The following FLOT2 variants were observed in gnomAD, a reference collection of about 807,000 sequenced individuals.
FLOT2 encodes the protein flotillin 2.
FLOT2 carries 35 observed loss-of-function variants against 54.9 expected under a neutral mutation model. The observed-to-expected ratio is 0.64, with a 90% CI of 0.49 to 0.84. The LOEUF (loss-of-function observed/expected upper bound fraction) is 0.84. Among genes scored for constraint, FLOT2 ranks in the 40% least tolerant of loss-of-function variants. FLOT2 has a pLI of 0.00. For synonymous variants in FLOT2, 207 were observed against 228.9 expected, an observed-to-expected ratio of 0.90 and a Z score of 0.86; for missense variants, 464 against 572.1, an observed-to-expected ratio of 0.81 and a Z score of 1.93.
intron 2 of FLOT2, among the ~76,000 whole-genome samples, chr17:28,885,258 C>T (rs1020293283): frequency 6.6e-6 from 1 of 152,122 alleles, no homozygotes; most frequent in South Asian, 2.1e-4. Flanking sequence ...TTAGAGATGG[C>T]AGGATGGGTG....
chr17:28,886,821 G>A (rs1425057005), intron 2 of FLOT2, among the ~76,000 whole-genome samples: 2 of 152,176 alleles, frequency 1.3e-5, no homozygotes, highest in Non-Finnish European at 2.9e-5. Flanking sequence ...CAGTCGATGT[G>A]CAGCCCCCAT....
chr17:28,896,699 C>A (rs1322744240), intron 1 of FLOT2, among the ~76,000 whole-genome samples: 1 of 152,178 alleles, frequency 6.6e-6, no homozygotes, highest in Non-Finnish European at 1.5e-5. Flanking sequence ...AAAATCAGCA[C>A]TGATAGTGGG....
At position 28,884,133 on chromosome 17, in the gene FLOT2, C is replaced by G; in HGVS notation, c.222+92G>C. 1 of 937,474 alleles carries G rather than the reference C, an allele frequency of 1.1e-6. No homozygotes were observed. The highest frequency in any genetic ancestry group is 1.7e-6 in the Non-Finnish European group (1 of 573,442). 58.1% of individuals were successfully genotyped at this position (937,474 alleles called of 1,614,324 possible). On this transcript the variant is annotated intron_variant, in intron 3 of 10. Coordinates refer to ENST00000394908, the MANE Select transcript of FLOT2 (RefSeq NM_004475.3). The surrounding 1 kb of genome is among the most constrained non-coding windows in gnomAD (Gnocchi z 5.1). Reference sequence around the variant, plus strand: ...GGGCTGGGGTGCTGGAGAGAGACTGCCCCTGGCTGCTGTCCTCTCCTCCTC... The same window carrying G: ...GGGCTGGGGTGCTGGAGAGAGACTGGCCCTGGCTGCTGTCCTCTCCTCCTC...
At chr17:28,887,064 A>G (rs966324540) in intron 2 of FLOT2, among the ~76,000 whole-genome samples, 7 of 152,222 alleles carry the variant, frequency 4.6e-5, no homozygotes, top group Non-Finnish European at 2.9e-5. Context: ...GGGAGGCTGC[A>G]GCTCAGATGC....
At chr17:28,881,500 G>A (rs940916873) in intron 8 of FLOT2, 125 bp from the exon 9 acceptor site, 51 of 1,018,180 alleles carry the variant, frequency 5.0e-5, no homozygotes, top group Admixed American at 2.0e-4. Flanking sequence ...ACATTGGAAC[G>A]GAGTGGGGTG....
chr17:28,882,297 T>TC lies in FLOT2; in HGVS notation c.579+39dup. 6.2e-7 allele frequency: 1 copy of TC among 1,613,880 alleles called. No individual in the cohort carries two copies. The highest frequency in any genetic ancestry group is 1.7e-5 in the Admixed American group (1 of 60,010). ...GAGTAGAGGTCCTGAGTCATCATGG[T>TC]CCCATCACCCCTGAGCTTCCCATCC... On this transcript the variant is annotated intron_variant, in intron 6 of 10. Coordinates refer to ENST00000394908, the MANE Select transcript of FLOT2 (RefSeq NM_004475.3). The surrounding 1 kb of genome is among the most constrained non-coding windows in gnomAD (Gnocchi z 5.6).
Position 28,880,746 on chromosome 17 carries a change from A to G in FLOT2, c.1215T>C (p.Ser405=). ...VNRLLAELPA[S]VHALTGVDLS... ...GGTCCACGCCTGTGAGGGCATGCAC[A>G]GAGGCAGGCAGCTCGGCCAGCAGTC... Residue 405 remains serine (S), a synonymous_variant, in exon 10 of 11, where the codon TCT becomes TCC. Coordinates refer to ENST00000394908, the MANE Select transcript of FLOT2 (RefSeq NM_004475.3). The G allele has an allele frequency of 6.2e-7, 1 of 1,614,252 alleles. No homozygotes were observed. Among genetic ancestry groups the G allele is most frequent in the Non-Finnish European group, 8.5e-7 (1 of 1,180,050 alleles).
At chr17:28,895,729 C>A (rs535951510) in intron 1 of FLOT2, among the ~76,000 whole-genome samples, 1 of 151,956 alleles carries the variant, frequency 6.6e-6, no homozygotes, top group East Asian at 1.9e-4. Flanking sequence ...CATCCCCCGA[C>A]CCCATCCAAA....
At chr17:28,886,981 C>G (rs1306913753) in intron 2 of FLOT2, among the ~76,000 whole-genome samples, 1 of 151,640 alleles carries the variant, frequency 6.6e-6, no homozygotes, top group Non-Finnish European at 1.5e-5. Context: ...ACCCACCAAG[C>G]TCTCTTCTGG....
rs1261943418 is a variant in FLOT2, at chr17:28,879,692, G to T, written c.*869C>A. On this transcript the variant is annotated 3_prime_UTR_variant, in exon 11 of 11. Transcript: ENST00000394908. ...TGGCACAGCCTTGTCCACCAGAAGGGCCCAACACCCAGGACAGTGCAGCCC... is the reference window on the plus strand; with the variant it reads ...TGGCACAGCCTTGTCCACCAGAAGGTCCCAACACCCAGGACAGTGCAGCCC... 2.0e-6 allele frequency: 2 copies of T among 985,998 alleles called. No homozygotes were observed. The highest frequency in any genetic ancestry group is 2.4e-6 in the Non-Finnish European group (2 of 830,146). 61.1% of individuals were successfully genotyped at this position (985,998 alleles called of 1,614,324 possible).
rs939591088 is a variant in FLOT2, at chr17:28,897,156, G to A, written c.49+370C>T. Among the ~76,000 whole-genome samples, 7 of 152,244 alleles carry A rather than the reference G, an allele frequency of 4.6e-5. No individual in the cohort carries two copies. The highest frequency in any genetic ancestry group is 2.6e-4 in the Admixed American group (4 of 15,292). The stretch of plus-strand genomic sequence containing the variant: ...CGACCCGCCCCCCATCCCGGGCGCT[G>A]GAATCCAGCCAAACCTCTGCGTTCC... On this transcript the variant is annotated intron_variant, in intron 1 of 10. Transcript: ENST00000394908. This position sits in a 1 kb window ranked among gnomAD's most constrained non-coding sequence, Gnocchi z 4.4.
At chr17:28,888,316 T>C (rs949524799) in intron 2 of FLOT2, among the ~76,000 whole-genome samples, 1 of 152,198 alleles carries the variant, frequency 6.6e-6, no homozygotes, top group African/African-American at 2.4e-5. Context: ...AGCTGGATGG[T>C]GGGCCCTCTG....
Position 28,883,202 on chromosome 17 carries a change from CAGG to C in FLOT2, c.249_251del (p.Leu84del). The C allele has an allele frequency of 6.2e-7, 1 of 1,614,086 alleles. No homozygotes were observed. The highest frequency in any genetic ancestry group is 8.5e-7 in the Non-Finnish European group (1 of 1,179,986). ...CCAGAAACTGCTCACAAGCCACGGCCAGGAGTTCCTTCTCCGTCATGATCTTCA... is the reference window on the plus strand; with the variant it reads ...CCAGAAACTGCTCACAAGCCACGGCCAGTTCCTTCTCCGTCATGATCTTCA... On this transcript the variant is annotated inframe_deletion, in exon 4 of 11. Transcript: ENST00000394908. The surrounding 1 kb of genome is among the most constrained non-coding windows in gnomAD (Gnocchi z 5.0).
At chr17:28,891,104 T>A (rs995763558) in intron 1 of FLOT2, among the ~76,000 whole-genome samples, 4 of 152,126 alleles carry the variant, frequency 2.6e-5, no homozygotes, top group Middle Eastern at 6.8e-3. Context: ...TGTTCTCGAA[T>A]TCCTGGGCTC....
In FLOT2 at chr17:28,881,848, C is replaced by A; in HGVS notation, c.880G>T (p.Ala294Ser). The A allele has an allele frequency of 2.5e-6, 4 of 1,613,566 alleles. No homozygotes were observed. The highest frequency in any genetic ancestry group is 3.4e-6 in the Non-Finnish European group (4 of 1,180,026). The part of the protein sequence containing the change: ...ATVRRPAEAE[A>S]HRIQQIAEGE... The stretch of plus-strand genomic sequence containing the variant: ...TCGGCAATCTGCTGGATGCGGTGGG[C>A]CTCGGCCTCGGCAGGCCGGCGCACT... Residue 294 changes from alanine to serine, a missense_variant, in exon 8 of 11, where the codon GCC (alanine) becomes TCC (serine). Coordinates refer to ENST00000394908, the MANE Select transcript of FLOT2 (RefSeq NM_004475.3).
At position 28,884,680 on chromosome 17, in the gene FLOT2, G is replaced by A. The variant is rs533008961; in HGVS notation, c.132-365C>T. On this transcript the variant is annotated intron_variant, in intron 2 of 10. Coordinates refer to ENST00000394908, the MANE Select transcript of FLOT2 (RefSeq NM_004475.3). This position sits in a 1 kb window ranked among gnomAD's most constrained non-coding sequence, Gnocchi z 5.1. Reference sequence around the variant, plus strand: ...TAGCAAGTCAGTGCTGGTCCTCCCGGCCCTGCTGTGCAGGCCATCCGTGGA... The same window carrying A: ...TAGCAAGTCAGTGCTGGTCCTCCCGACCCTGCTGTGCAGGCCATCCGTGGA... Among the ~76,000 whole-genome samples the A allele has an allele frequency of 2.0e-5, 3 of 152,308 alleles. No homozygotes were observed. The highest frequency in any genetic ancestry group is 7.2e-5 in the African/African-American group (3 of 41,570).
chr17:28,890,919 T>C (rs1411455946), intron 1 of FLOT2, among the ~76,000 whole-genome samples: 4 of 150,306 alleles, frequency 2.7e-5, no homozygotes, highest in Admixed American at 1.3e-4. Context: ...TGGAGTACAC[T>C]GTACACGAGT....
At position 28,883,110 on chromosome 17, in the gene FLOT2, A is replaced by G. The variant is rs2039484029; in HGVS notation, c.344T>C (p.Leu115Pro). The G allele has an allele frequency of 6.2e-7, 1 of 1,613,948 alleles. No homozygotes were observed. ...QTLEGHLRSI[L>P]GTLTVEQIYQ... ...TCAAAGGCTGAACAGGGCCTCACCGAGGATGGAGCGCAGATGTCCCTCCAG... is the reference window on the plus strand; with the variant it reads ...TCAAAGGCTGAACAGGGCCTCACCGGGGATGGAGCGCAGATGTCCCTCCAG... The change falls in exon 4 of 11, where the codon CTC (leucine) becomes CCC (proline). Residue 115 changes from leucine to proline, a missense_variant and splice_region_variant. Transcript: ENST00000394908. The surrounding 1 kb of genome is among the most constrained non-coding windows in gnomAD (Gnocchi z 5.0).
intron 1 of FLOT2, among the ~76,000 whole-genome samples, chr17:28,890,442 A>G (rs964530689): frequency 6.7e-6 from 1 of 149,328 alleles, no homozygotes; most frequent in Non-Finnish European, 1.5e-5. Context: ...GCTGGAGTGC[A>G]GTGGTGCGAT....
Sources: allele counts gnomAD v4.1 joint callset (sites outside exome capture counted in the v4.1 genomes callset), GRCh38; gene constraint gnomAD v4.1.1; non-coding constraint Gnocchi (gnomAD v3.1); transcripts MANE v1.5; gene names NCBI Gene and HGNC (gene_info 2026-07-23, HGNC 2026-07-21).